The following SPIRE2 variants were observed in gnomAD, a reference collection of about 807,000 sequenced individuals.
SPIRE2 encodes the protein protein spire homolog 2.
SPIRE2 carries 76 observed loss-of-function variants against 80.7 expected under a neutral mutation model. That is an observed-to-expected ratio of 0.94 (90% CI 0.78 to 1.14). SPIRE2 has a LOEUF of 1.14. Ranked by LOEUF, SPIRE2 falls within the 50% of genes most tolerant of loss-of-function variation. The probability of loss-of-function intolerance (pLI) is 0.00; values close to 1 mark genes in which losing one functional copy is unlikely to be tolerated. For synonymous variants in SPIRE2, 535 were observed against 432.6 expected, an observed-to-expected ratio of 1.24 and a Z score of -2.94; for missense variants, 1,196 against 1,015.3, an observed-to-expected ratio of 1.18 and a Z score of -2.42.
rs2041686543 is a variant in SPIRE2, at chr16:89,855,968, G to A, written c.979-145G>A. Reference sequence around the variant, plus strand: ...CCCCCTGGGAGCAGCACTCCCTCCGGGTGGGCCTGGCAGGCTCTTCCGACT... The same window carrying A: ...CCCCCTGGGAGCAGCACTCCCTCCGAGTGGGCCTGGCAGGCTCTTCCGACT... On this transcript the variant is annotated intron_variant, in intron 6 of 14. Transcript: ENST00000378247. 13 of 1,401,496 alleles carry A rather than the reference G, an allele frequency of 9.3e-6. No individual in the cohort carries two copies. In the South Asian group the frequency reaches 1.8e-4, roughly 20 times the overall value. 86.8% of individuals were successfully genotyped at this position (1,401,496 alleles called of 1,614,324 possible).
At chr16:89,838,618 C>G (rs944973957) in intron 1 of SPIRE2, among the ~76,000 whole-genome samples, 1 of 152,156 alleles carries the variant, frequency 6.6e-6, no homozygotes, top group African/African-American at 2.4e-5. Flanking sequence ...ACCACCAGGC[C>G]CCCACCCTGA....
chr16:89,858,022 A>G (rs1366956323), intron 7 of SPIRE2, among the ~76,000 whole-genome samples: 1 of 151,218 alleles, frequency 6.6e-6, no homozygotes, highest in Non-Finnish European at 1.5e-5. Context: ...AGCTGGGACT[A>G]CAGGCGCGTG....
intron 1 of SPIRE2, among the ~76,000 whole-genome samples, chr16:89,844,940 G>A (rs757606777): frequency 2.0e-5 from 3 of 152,314 alleles, no homozygotes; most frequent in Non-Finnish European, 4.4e-5. Context: ...CCTAGGGGCA[G>A]CCTCCTGCAG....
chr16:89,856,475 T>C (rs1010893235), intron 7 of SPIRE2, among the ~76,000 whole-genome samples: 22 of 151,990 alleles, frequency 1.4e-4, no homozygotes, highest in Admixed American at 6.6e-4. Context: ...GATGGAGTCT[T>C]GCTCTGTCGC....
intron 5 of SPIRE2, among the ~76,000 whole-genome samples, chr16:89,855,206 A>G (rs775191980): frequency 3.9e-5 from 6 of 152,154 alleles, no homozygotes; most frequent in African/African-American, 9.7e-5. Flanking sequence ...CCAAAGTGCC[A>G]GGATTACAGA....
At chr16:89,860,634 A>G (rs1467919298) in intron 9 of SPIRE2, 49 bp from the exon 10 acceptor site, 3 of 1,305,778 alleles carry the variant, frequency 2.3e-6, no homozygotes, top group Middle Eastern at 1.8e-4. Flanking sequence ...AGTCCTCTTT[A>G]CCACAGCTCC....
rs888895414 is a variant in SPIRE2 at position 89,829,353 on chromosome 16, C to G, written c.244+559C>G. On this transcript the variant is annotated intron_variant, in intron 1 of 14. Transcript: ENST00000378247. The stretch of plus-strand genomic sequence containing the variant: ...TCTATTCTTAACCATCAACCAGAAC[C>G]AACAATTAAGCCCTAGAAAGATACT... Among the ~76,000 whole-genome samples the G allele has an allele frequency of 5.9e-5, 9 of 152,220 alleles. No individual in the cohort carries two copies. The East Asian group carries it at 1.7e-3, about 29-fold the overall frequency.
At chr16:89,854,403 G>A (rs371870512) in intron 4 of SPIRE2, 37 bp downstream of exon 4, 264 of 1,611,210 alleles carry the variant, frequency 1.6e-4, no homozygotes, top group Non-Finnish European at 2.0e-4. Context: ...CCACTGACGC[G>A]GCCCAGCCTG....
chr16:89,866,976 CTG>C (rs1567679159), intron 12 of SPIRE2, among the ~76,000 whole-genome samples: 1 of 152,094 alleles, frequency 6.6e-6, no homozygotes, highest in Non-Finnish European at 1.5e-5. Flanking sequence ...AATTGAATCA[CTG>C]TTTAAAACTG....
At chr16:89,867,811 CT>C (rs1239342068) in intron 12 of SPIRE2, among the ~76,000 whole-genome samples, 2 of 151,928 alleles carry the variant, frequency 1.3e-5, no homozygotes, top group East Asian at 3.9e-4. Flanking sequence ...TCTCAAACCC[CT>C]GACCTCAGGT....
At chr16:89,853,063 C>T (rs2041651906) in intron 3 of SPIRE2, among the ~76,000 whole-genome samples, 2 of 152,164 alleles carry the variant, frequency 1.3e-5, no homozygotes, top group African/African-American at 4.8e-5. Context: ...CCCTTGGCCT[C>T]CTGGGACATG....
At chr16:89,858,773 C>T (rs1384100558) in intron 8 of SPIRE2, among the ~76,000 whole-genome samples, 4 of 152,328 alleles carry the variant, frequency 2.6e-5, no homozygotes, top group East Asian at 1.9e-4. Flanking sequence ...GGAAGTGCCT[C>T]GCTGTCCCAG....
intron 12 of SPIRE2, among the ~76,000 whole-genome samples, chr16:89,865,072 T>A (rs1440943591): frequency 6.7e-6 from 1 of 148,828 alleles, no homozygotes; most frequent in Non-Finnish European, 1.5e-5. Flanking sequence ...AGTGGCACGA[T>A]CTTGGCTCAC....
intron 1 of SPIRE2, among the ~76,000 whole-genome samples, chr16:89,842,799 G>C (rs2041517317): frequency 6.6e-6 from 1 of 152,176 alleles, no homozygotes; most frequent in Non-Finnish European, 1.5e-5. Flanking sequence ...GCCCAGCGCG[G>C]GCCAGGACTG....
In SPIRE2 at chr16:89,828,522, G is replaced by C. The variant is rs1372624722; in HGVS notation, c.-29G>C. 3 of 1,040,666 alleles carry C rather than the reference G, an allele frequency of 2.9e-6. No individual in the cohort carries two copies. The highest frequency in any genetic ancestry group is 7.8e-5 in the East Asian group (1 of 12,772). 64.5% of individuals were successfully genotyped at this position (1,040,666 alleles called of 1,614,324 possible). On this transcript the variant is annotated 5_prime_UTR_variant, in exon 1 of 15. Coordinates refer to ENST00000378247, the MANE Select transcript of SPIRE2 (RefSeq NM_032451.2). The surrounding 1 kb of genome is among the most constrained non-coding windows in gnomAD (Gnocchi z 5.9). The stretch of plus-strand genomic sequence containing the variant: ...GGCGCGGCTGCATGGACGCGGGTCC[G>C]GCGCGCGGGAGGCGATGACGGCCCC...
At chr16:89,840,550 A>G (rs2041496363) in intron 1 of SPIRE2, among the ~76,000 whole-genome samples, 1 of 151,350 alleles carries the variant, frequency 6.6e-6, no homozygotes, top group Non-Finnish European at 1.5e-5. Flanking sequence ...GTCTGGCCCA[A>G]ATCCTTTCAA....
intron 1 of SPIRE2, among the ~76,000 whole-genome samples, chr16:89,838,607 G>A (rs1203548005): frequency 6.6e-6 from 1 of 152,190 alleles, no homozygotes; most frequent in Non-Finnish European, 1.5e-5. Flanking sequence ...GTTTGCCCCA[G>A]ACCACCAGGC....
In SPIRE2 at chr16:89,856,053, G is replaced by T. The variant is rs1214452892; in HGVS notation, c.979-60G>T. The T allele has an allele frequency of 3.1e-6, 5 of 1,588,956 alleles. No individual in the cohort carries two copies. The African/African-American group carries it at 6.7e-5, about 21-fold the overall frequency. ...CACAGGTCCCGCTTCCCCACCGCAG[G>T]TCCCGCTTCCCCACCGCAGGTCCTG... On this transcript the variant is annotated intron_variant, in intron 6 of 14. Transcript: ENST00000378247.
At chr16:89,855,446 T>C (rs2041680989) in intron 5 of SPIRE2, among the ~76,000 whole-genome samples, 154 bp from the exon 6 acceptor site, 1 of 152,016 alleles carries the variant, frequency 6.6e-6, no homozygotes, top group Non-Finnish European at 1.5e-5. Context: ...TGCCGTGCGT[T>C]TACCAGGGAA....
Sources: allele counts gnomAD v4.1 joint callset (sites outside exome capture counted in the v4.1 genomes callset), GRCh38; gene constraint gnomAD v4.1.1; non-coding constraint Gnocchi (gnomAD v3.1); transcripts MANE v1.5; gene names NCBI Gene and HGNC (gene_info 2026-07-23, HGNC 2026-07-21).